GOLGA4: variants seen among roughly 807,000 people sequenced by gnomAD.
GOLGA4 encodes golgin A4.
Under a neutral mutation model 265.9 loss-of-function variants are expected in GOLGA4, and 169 were observed. That is an observed-to-expected ratio of 0.64 (90% CI 0.56 to 0.72). The LOEUF (loss-of-function observed/expected upper bound fraction) is 0.72. GOLGA4 is among the 30% of genes least tolerant of loss of function. The pLI, the probability that GOLGA4 is intolerant of heterozygous loss-of-function variation, is 0.00. For missense variants in GOLGA4, 2,482 were observed against 2,483.4 expected (o/e 1.00, Z 0.01); for synonymous variants, 923 against 855.8 (o/e 1.08, Z -1.37).
chr3:37,272,201 A>G (rs1016632581), intron 2 of GOLGA4, among the ~76,000 whole-genome samples: 2 of 152,128 alleles, frequency 1.3e-5, no homozygotes, highest in Non-Finnish European at 2.9e-5. Context: ...CTGTAGAAAA[A>G]TTGTCTTTCA....
At chr3:37,362,984 G>T (rs576481029) in intron 23 of GOLGA4, among the ~76,000 whole-genome samples, 1 of 151,508 alleles carries the variant, frequency 6.6e-6, no homozygotes, top group Admixed American at 6.6e-5. Flanking sequence ...GGGTTTCACC[G>T]TGTTATTCAG....
intron 1 of GOLGA4, among the ~76,000 whole-genome samples, chr3:37,246,909 A>C (rs1358867538): frequency 6.6e-6 from 1 of 152,178 alleles, no homozygotes; most frequent in Non-Finnish European, 1.5e-5. Flanking sequence ...AGTTTATGTG[A>C]TATAAATTTA....
At chr3:37,341,941 C>G (rs1243457534) in intron 20 of GOLGA4, among the ~76,000 whole-genome samples, 3 of 152,182 alleles carry the variant, frequency 2.0e-5, no homozygotes, top group Non-Finnish European at 4.4e-5. Flanking sequence ...TTATTTTTCT[C>G]AGATTTCTCA....
intron 2 of GOLGA4, among the ~76,000 whole-genome samples, chr3:37,260,748 C>G (rs2096767451): frequency 1.3e-5 from 2 of 152,216 alleles, no homozygotes; most frequent in Admixed American, 1.3e-4. Context: ...GGCCCTTCCC[C>G]CAGTATTACA....
At chr3:37,343,755 A>G (rs1041685806) in intron 20 of GOLGA4, among the ~76,000 whole-genome samples, 1 of 152,216 alleles carries the variant, frequency 6.6e-6, no homozygotes, top group Admixed American at 6.5e-5. Context: ...GAGCAGAGTT[A>G]GGTTTGATTA....
At chr3:37,258,137 A>G (rs996220396) in intron 2 of GOLGA4, among the ~76,000 whole-genome samples, 10 of 136,058 alleles carry the variant, frequency 7.3e-5, no homozygotes, top group African/African-American at 2.4e-4. Context: ...TATGCTCTGT[A>G]TATATATATG....
intron 4 of GOLGA4, 123 bp from the exon 5 acceptor site, chr3:37,289,112 C>G: frequency 1.7e-6 from 1 of 602,612 alleles, no homozygotes; most frequent in Non-Finnish European, 2.9e-6. Context: ...TGTCCTCTAT[C>G]TTCAGGTTAT....
Position 37,243,954 on chromosome 3 carries a change from A to G in GOLGA4, c.72+332A>G, listed in dbSNP as rs1482022604. The G allele has an allele frequency of 3.1e-5, 9 of 292,736 alleles. No homozygotes were observed. In the Admixed American group the frequency reaches 3.7e-4, roughly 12 times the overall value. The allele number at this position is 292,736 out of a possible 1,614,324, so 18.1% of individuals were successfully genotyped here. A position where few individuals can be genotyped will look rare whatever the true frequency, so the allele number is the denominator to read the frequency against. ...ATCCATATTTGAGGTTTTCCCACTC[A>G]TCTGAGACCCCACGCTGGGAATGAG... is the stretch of plus-strand genomic sequence containing the variant. On this transcript the variant is annotated intron_variant, in intron 1 of 23. Coordinates refer to ENST00000361924, the MANE Select transcript of GOLGA4 (RefSeq NM_002078.5).
rs144778389 is a variant in GOLGA4, at chr3:37,259,684, T to G, written c.162+8200T>G. ...CATAATTGGAGTGGAAAGCTGATCT[T>G]TGATTACTTATTTTACTTAGGGCTG... On this transcript the variant is annotated intron_variant, in intron 2 of 23. Coordinates refer to ENST00000361924, the MANE Select transcript of GOLGA4 (RefSeq NM_002078.5). Among the ~76,000 whole-genome samples, 69 of 152,314 alleles carry G rather than the reference T, an allele frequency of 4.5e-4. 3 individuals carry two copies. The East Asian group carries it at 0.012, about 27-fold the overall frequency.
chr3:37,330,421 T>C (rs750643819), intron 16 of GOLGA4, among the ~76,000 whole-genome samples: 2 of 152,206 alleles, frequency 1.3e-5, no homozygotes, highest in African/African-American at 4.8e-5. Flanking sequence ...GCCATAGCTC[T>C]AGAATTCCCT....
At chr3:37,331,971 C>T (rs923402143) in intron 16 of GOLGA4, among the ~76,000 whole-genome samples, 3 of 152,184 alleles carry the variant, frequency 2.0e-5, no homozygotes, top group African/African-American at 7.2e-5. Flanking sequence ...CTGAACTCCA[C>T]TGCTGCCACC....
At chr3:37,353,258 A>G (rs1292865189) in intron 21 of GOLGA4, among the ~76,000 whole-genome samples, 1 of 152,140 alleles carries the variant, frequency 6.6e-6, no homozygotes, top group African/African-American at 2.4e-5. Context: ...ACACAGAGAT[A>G]TAAAGTGATC....
intron 11 of GOLGA4, among the ~76,000 whole-genome samples, chr3:37,317,701 A>G (rs1016303090): frequency 3.9e-5 from 6 of 152,196 alleles, no homozygotes; most frequent in African/African-American, 1.4e-4. Flanking sequence ...TAAAAAAATT[A>G]ATATATATAA....
At chr3:37,316,991 A>T (rs905044200) in intron 11 of GOLGA4, among the ~76,000 whole-genome samples, 8 of 152,238 alleles carry the variant, frequency 5.3e-5, no homozygotes, top group African/African-American at 1.2e-4. Context: ...TCCACTTAAT[A>T]ATCTTTCTAG....
Position 37,327,778 on chromosome 3 carries a change from G to A in GOLGA4, c.5892G>A (p.Leu1964=), listed in dbSNP as rs1172298120. 1 of 1,611,156 alleles carries A rather than the reference G, an allele frequency of 6.2e-7. No homozygotes were observed. The highest frequency in any genetic ancestry group is 8.5e-7 in the Non-Finnish European group (1 of 1,177,988). ...RMLRKEHQQE[L]EILKKEYDQE... ...TGAGAAAGGAGCATCAGCAAGAATT[G>A]GAAATACTAAAGAAAGAATATGATC... The change falls in exon 14 of 24, where the codon TTG becomes TTA. Residue 1964 remains leucine, a synonymous_variant. Transcript: ENST00000361924.
chr3:37,328,424 A>T lies in GOLGA4; in HGVS notation c.5948A>T (p.Gln1983Leu). 6.2e-7 allele frequency: 1 copy of T among 1,612,536 alleles called. No individual in the cohort carries two copies. The highest frequency in any genetic ancestry group is 8.5e-7 in the Non-Finnish European group (1 of 1,179,118). ...ACATTTTTATTACTCAGACAGGAGC[A>T]GGAAGATCTTGAACTGAAGCACAAT... ...QEREEKIKQE[Q>L]EDLELKHNST... Residue 1983 changes from glutamine (Q) to leucine (L), a missense_variant, in exon 15 of 24, where the codon CAG becomes CTG. Gln to Leu is a moderately radical substitution (Grantham distance 113). Around this residue, in one of 3 missense-constraint regions of GOLGA4, gnomAD observed 942 missense variants for 983.1 expected, o/e 0.96. Coordinates refer to ENST00000361924, the MANE Select transcript of GOLGA4 (RefSeq NM_002078.5).
At chr3:37,312,992 C>T (rs2096927067) in intron 10 of GOLGA4, among the ~76,000 whole-genome samples, 1 of 152,068 alleles carries the variant, frequency 6.6e-6, no homozygotes, top group Admixed American at 6.5e-5. Context: ...ATCACGAGGT[C>T]AGGAGTTTGA....
intron 16 of GOLGA4, 156 bp downstream of exon 16, chr3:37,329,249 T>G (rs751150537): frequency 1.5e-5 from 8 of 524,026 alleles, no homozygotes; most frequent in Non-Finnish European, 2.6e-5. Flanking sequence ...ATATGCAGAT[T>G]TATAAAGTTG....
chr3:37,258,630 A>G (rs1388866766), intron 2 of GOLGA4, among the ~76,000 whole-genome samples: 3 of 152,112 alleles, frequency 2.0e-5, no homozygotes, highest in Non-Finnish European at 4.4e-5. Flanking sequence ...ACCTGGCCCC[A>G]GTTGTTGAGA....
Sources: gnomAD v4.1 joint callset for allele counts (sites outside exome capture counted in the v4.1 genomes callset) on GRCh38, gnomAD v4.1.1 for gene constraint, gnomAD v4.1.1 regional missense constraint, MANE v1.5 for transcripts, NCBI Gene and HGNC (gene_info 2026-07-23, HGNC 2026-07-21) for gene names.